TTN: variants seen among roughly 807,000 people sequenced by gnomAD.
TTN encodes titin.
Under a neutral mutation model 3,223.0 loss-of-function variants are expected in TTN, and 1,525 were observed. That is an observed-to-expected ratio of 0.47 (90% CI 0.45 to 0.49). The LOEUF (loss-of-function observed/expected upper bound fraction) is 0.49. TTN is among the 20% of genes least tolerant of loss of function. The probability of loss-of-function intolerance (pLI) is 0.00; values close to 1 mark genes in which losing one functional copy is unlikely to be tolerated. For missense variants in TTN, 40,786 were observed against 43,424.0 expected (o/e 0.94, Z 5.40); for synonymous variants, 14,094 against 15,161.0 (o/e 0.93, Z 5.17).
chr2:178,701,728 T>A, intron 109 of TTN, 141 bp from the exon 110 acceptor site: 1 of 883,896 alleles, frequency 1.1e-6, no homozygotes, highest in Non-Finnish European at 1.7e-6. Context: ...AAAATAATAT[T>A]AGTATTCTTT....
rs368055091 is a variant in TTN at position 178,608,641 on chromosome 2, C to T, written c.52370G>A (p.Cys17457Tyr). The T allele has an allele frequency of 6.2e-7, 1 of 1,611,684 alleles. No homozygotes were observed. Among genetic ancestry groups the T allele is most frequent in the South Asian group, 1.1e-5 (1 of 90,726 alleles). ...TTTAGCCACAAGTGGCTTTGAAACA[C>T]ATGGTGGACCTGGCCCAAATCTGTT... is the stretch of plus-strand genomic sequence containing the variant. The part of the protein sequence containing the change: ...AENRFGPGPP[C>Y]VSKPLVAKDP... Residue 17457 changes from cysteine (C) to tyrosine (Y), a missense_variant, in exon 274 of 363, where the codon TGT becomes TAT. Transcript: ENST00000589042.
At position 178,542,705 on chromosome 2, in the gene TTN, ATTC is replaced by A. The variant is rs1233184037; in HGVS notation, c.97146_97148del (p.Lys32382del). The A allele has an allele frequency of 6.2e-6, 10 of 1,613,708 alleles. No individual in the cohort carries two copies. The highest frequency in any genetic ancestry group is 7.6e-6 in the Non-Finnish European group (9 of 1,179,756). On this transcript the variant is annotated inframe_deletion, in exon 348 of 363. Coordinates refer to ENST00000589042, the MANE Select transcript of TTN (RefSeq NM_001267550.2). ...TGGTTTCTGAAGTAGTTCCGGTAACATTCTTCAATTCAAGTGTGTATTCTCCAG... is the reference window on the plus strand; with the variant it reads ...TGGTTTCTGAAGTAGTTCCGGTAACATTCAATTCAAGTGTGTATTCTCCAG...
chr2:178,612,578 T>C lies in TTN; in HGVS notation c.49949-2A>G. On this transcript the variant is annotated splice_acceptor_variant, in intron 265 of 362. Coordinates refer to ENST00000589042, the MANE Select transcript of TTN (RefSeq NM_001267550.2). LOFTEE classifies it high-confidence loss of function. The stretch of plus-strand genomic sequence containing the variant: ...GCCAGCGTGGTGGTGATGGAGGATC[T>C]GAAAAAGAAGGAAGGAAAACAAATT... 2.5e-6 allele frequency: 4 copies of C among 1,598,422 alleles called. No homozygotes were observed. Among genetic ancestry groups the C allele is most frequent in the Non-Finnish European group, 3.4e-6 (4 of 1,176,154 alleles).
In TTN at chr2:178,739,667, T is replaced by C. The variant is rs1574069168; in HGVS notation, c.13566A>G (p.Pro4522=). The change falls in exon 48 of 363, where the codon CCA becomes CCG. Residue 4522 remains proline (P), a synonymous_variant. Transcript: ENST00000589042. ...GSQKVEPITE[P]EVESKYLIST... ...AGATCAGATATTTAGATTCAACTTC[T>C]GGTTCAGTAATGGGTTCAACCTTCT... is the stretch of plus-strand genomic sequence containing the variant. 1.2e-6 allele frequency: 2 copies of C among 1,613,948 alleles called. No homozygotes were observed. The highest frequency in any genetic ancestry group is 1.3e-5 in the African/African-American group (1 of 75,064).
intron 202 of TTN, 24 bp downstream of exon 202, chr2:178,652,434 A>C: frequency 6.2e-7 from 1 of 1,613,258 alleles, no homozygotes; most frequent in Middle Eastern, 1.7e-4. Context: ...TGATCATCTG[A>C]AGCCTAAAAT....
rs1246983682 is a variant in TTN at position 178,617,869 on chromosome 2, C to T, written c.47482G>A (p.Glu15828Lys). Reference protein sequence around the residue: ...ATVTDVVEGQEYSFRVRAQNR... With the variant: ...ATVTDVVEGQKYSFRVRAQNR... ...TGGGCTCTCACTCGGAAACTGTACT[C>T]CTGTCCTTCTACCACATCAGTAACA... Residue 15828 changes from glutamate to lysine, a missense_variant, in exon 253 of 363, where the codon GAG becomes AAG. Transcript: ENST00000589042. 1 of 1,612,668 alleles carries T rather than the reference C, an allele frequency of 6.2e-7. No homozygotes were observed. The highest frequency in any genetic ancestry group is 1.7e-5 in the Admixed American group (1 of 59,926).
chr2:178,758,442 C>T (rs547057840), intron 44 of TTN, among the ~76,000 whole-genome samples: 2 of 152,250 alleles, frequency 1.3e-5, no homozygotes, highest in South Asian at 2.1e-4. Flanking sequence ...TTTCTGATTA[C>T]AATTTAAGAG....
Position 178,732,859 on chromosome 2 carries a change from G to A in TTN, c.16317C>T (p.Asp5439=), listed in dbSNP as rs1325059870. ...CRATNSVGSK[D]SSGALIVQEP... ...CTTGCACAATCAGGGCTCCACTGCT[G>A]TCTTTGCTTCCCACGGAATTTGTGG... Residue 5439 remains aspartate, a synonymous_variant, in exon 55 of 363, where the codon GAC becomes GAT. Coordinates refer to ENST00000589042, the MANE Select transcript of TTN (RefSeq NM_001267550.2). The A allele has an allele frequency of 1.2e-6, 2 of 1,612,788 alleles. No individual in the cohort carries two copies. The highest frequency in any genetic ancestry group is 8.5e-7 in the Non-Finnish European group (1 of 1,179,202).
intron 308 of TTN, among the ~76,000 whole-genome samples, chr2:178,585,788 G>A (rs549434500): frequency 1.4e-4 from 22 of 152,006 alleles, no homozygotes; most frequent in Admixed American, 2.0e-4. Flanking sequence ...TTATGGCTGC[G>A]TAGTATCCTG....
Position 178,689,913 on chromosome 2 carries a change from C to A in TTN, c.31763-17G>T. The A allele has an allele frequency of 6.2e-7, 1 of 1,605,406 alleles. No individual in the cohort carries two copies. The highest frequency in any genetic ancestry group is 1.1e-5 in the South Asian group (1 of 90,492). On this transcript the variant is annotated splice_polypyrimidine_tract_variant and intron_variant, in intron 121 of 362. Transcript: ENST00000589042. ...CCTCTGGGACTTAAAGTTTTTGAAA[C>A]ACAATGTTAGTTCAGACATATATCA...
rs185860746 is a variant in TTN at position 178,720,455 on chromosome 2, G to A, written c.23307C>T (p.Val7769=). Reference sequence around the variant, plus strand: ...TAGTAGCTTTGCAGTGATATTCCCCGACATCGGAGGCTTCAAGATTAAGGA... The same window carrying A: ...TAGTAGCTTTGCAGTGATATTCCCCAACATCGGAGGCTTCAAGATTAAGGA... ...LHILNLEASD[V]GEYHCKATNE... The change falls in exon 80 of 363, where the codon GTC becomes GTT. Residue 7769 remains valine (V), a synonymous_variant. Coordinates refer to ENST00000589042, the MANE Select transcript of TTN (RefSeq NM_001267550.2). 3.6e-5 allele frequency: 58 copies of A among 1,613,654 alleles called. No individual in the cohort carries two copies. Among genetic ancestry groups the A allele is most frequent in the Admixed American group, 6.7e-5 (4 of 59,998 alleles).
intron 156 of TTN, 137 bp from the exon 157 acceptor site, chr2:178,670,432 A>G (rs1237053732): frequency 2.4e-6 from 1 of 416,736 alleles, no homozygotes; most frequent in African/African-American, 2.1e-5. Context: ...AATACATTAC[A>G]GTATTTCAAA....
At chr2:178,793,987 A>G (rs2093641609) in intron 8 of TTN, among the ~76,000 whole-genome samples, 1 of 152,196 alleles carries the variant, frequency 6.6e-6, no homozygotes, top group Non-Finnish European at 1.5e-5. Flanking sequence ...GTTTTGAGAA[A>G]AGTAAAAACA....
In TTN at chr2:178,677,825, C is replaced by T. The variant is rs2068448902; in HGVS notation, c.34087G>A (p.Val11363Ile). 2 of 1,612,992 alleles carry T rather than the reference C, an allele frequency of 1.2e-6. No individual in the cohort carries two copies. The highest frequency in any genetic ancestry group is 1.7e-6 in the Non-Finnish European group (2 of 1,179,274). Residue 11363 changes from valine to isoleucine, a missense_variant, in exon 146 of 363, where the codon GTT becomes ATT. Transcript: ENST00000589042. ...FEEEIVPEEE[V>I]LPEEEEVLPE... ...AGAACTTCCTCTTCCTCAGGTAGAA[C>T]TTCCTCTTCAGGAACAATTTCTTCT... is the stretch of plus-strand genomic sequence containing the variant.
chr2:178,768,089 A>C lies in TTN; in HGVS notation c.9230T>G (p.Phe3077Cys). 1.2e-6 allele frequency: 2 copies of C among 1,614,162 alleles called. No individual in the cohort carries two copies. The highest frequency in any genetic ancestry group is 1.7e-6 in the Non-Finnish European group (2 of 1,180,014). The change falls in exon 39 of 363, where the codon TTT becomes TGT. Residue 3077 changes from phenylalanine to cysteine, a missense_variant. Phe to Cys is a radical substitution (Grantham distance 205). Coordinates refer to ENST00000589042, the MANE Select transcript of TTN (RefSeq NM_001267550.2). ...GTCAGGTTCAGAAACTTCACATTCA[A>C]ACATGGCTCGCTTCTTCTCCAGTAC... ...IKVLEKKRAM[F>C]ECEVSEPDIT...
chr2:178,688,198 A>G lies in TTN; in HGVS notation c.32224T>C (p.Ser10742Pro). The stretch of plus-strand genomic sequence containing the variant: ...ATGGACACACCTTCCTCCTCTTCTG[A>G]GTAACTCCATTCCTCCTCTGCAGAT... ...EVSAEEEWSY[S>P]EEEEGVSISV... The change falls in exon 127 of 363, where the codon TCA becomes CCA. Residue 10742 changes from serine to proline, a missense_variant. By Grantham distance (74) the Ser-to-Pro change is moderately conservative (BLOSUM62 -1). Coordinates refer to ENST00000589042, the MANE Select transcript of TTN (RefSeq NM_001267550.2). The G allele has an allele frequency of 6.2e-7, 1 of 1,612,860 alleles. No individual in the cohort carries two copies. Among genetic ancestry groups the G allele is most frequent in the Non-Finnish European group, 8.5e-7 (1 of 1,179,766 alleles).
Position 178,601,100 on chromosome 2 carries a change from G to A in TTN, c.55804C>T (p.Pro18602Ser), listed in dbSNP as rs781300931. 5.6e-6 allele frequency: 9 copies of A among 1,601,620 alleles called. No homozygotes were observed. Among genetic ancestry groups the A allele is most frequent in the Non-Finnish European group, 7.7e-6 (9 of 1,173,654 alleles). ...GGGGAGCCCCCATCATTCTTCGGGG[G>A]TTTCCATGACAGATGCACTGTGTTC... ...TKNTVHLSWK[P>S]PKNDGGSPVT... Residue 18602 changes from proline (P) to serine (S), a missense_variant, in exon 288 of 363, where the codon CCC becomes TCC. Transcript: ENST00000589042.
Position 178,568,256 on chromosome 2 carries a change from G to T in TTN, c.77876C>A (p.Thr25959Lys). The change falls in exon 326 of 363, where the codon ACA (threonine) becomes AAA (lysine). Residue 25959 changes from threonine (T) to lysine (K), a missense_variant. By Grantham distance (78) the Thr-to-Lys change is moderately conservative. Transcript: ENST00000589042. ...TLKVTKLKTG[T>K]EYQFRIFAEN... ...GGCAAATATTCTAAATTGGTATTCTGTACCAGTTTTCAGTTTGGTCACTTT... is the reference window on the plus strand; with the variant it reads ...GGCAAATATTCTAAATTGGTATTCTTTACCAGTTTTCAGTTTGGTCACTTT... 6.2e-7 allele frequency: 1 copy of T among 1,613,476 alleles called. No homozygotes were observed. The highest frequency in any genetic ancestry group is 8.5e-7 in the Non-Finnish European group (1 of 1,179,592).
At position 178,593,761 on chromosome 2, in the gene TTN, G is replaced by C; in HGVS notation, c.58539C>G (p.Thr19513=). Residue 19513 remains threonine (T), a synonymous_variant, in exon 298 of 363, where the codon ACC becomes ACG. Coordinates refer to ENST00000589042, the MANE Select transcript of TTN (RefSeq NM_001267550.2). ...CTTCCTTCTTCTCAATAATATAATT[G>C]GTGATTTTACTGCCTCCATCATCTA... ...PPLDDGGSKI[T]NYIIEKKEVG... is the part of the protein sequence containing the mutation. 6.2e-7 allele frequency: 1 copy of C among 1,613,114 alleles called. No homozygotes were observed. Among genetic ancestry groups the C allele is most frequent in the Non-Finnish European group, 8.5e-7 (1 of 1,179,580 alleles).
Sources: allele counts gnomAD v4.1 joint callset (sites outside exome capture counted in the v4.1 genomes callset), GRCh38; gene constraint gnomAD v4.1.1; transcripts MANE v1.5; gene names NCBI Gene and HGNC (gene_info 2026-07-23, HGNC 2026-07-21).